LCORL: variants seen among roughly 807,000 people sequenced by gnomAD.
LCORL encodes ligand-dependent nuclear receptor corepressor-like protein.
A neutral mutation model predicts 141.8 loss-of-function variants in LCORL; 41 were observed. The observed-to-expected ratio is 0.29, with a 90% CI of 0.23 to 0.38. The LOEUF (loss-of-function observed/expected upper bound fraction) is 0.38. LCORL is among the 10% of genes least tolerant of loss of function. The probability of loss-of-function intolerance (pLI) is 1.00; values close to 1 mark genes in which losing one functional copy is unlikely to be tolerated. For missense variants in LCORL, 1,759 were observed against 2,035.0 expected, an observed-to-expected ratio of 0.86 and a Z score of 2.61; for synonymous variants, 618 against 694.1, an observed-to-expected ratio of 0.89 and a Z score of 1.72.
At chr4:17,918,868 A>G (rs925198630) in intron 4 of LCORL, among the ~76,000 whole-genome samples, 4 of 152,224 alleles carry the variant, frequency 2.6e-5, no homozygotes, top group South Asian at 2.1e-4. Context: ...ACAAATGCCA[A>G]GCAGAATAAA....
chr4:17,906,832 ATG>A (rs1731728775), intron 5 of LCORL, among the ~76,000 whole-genome samples: 1 of 151,970 alleles, frequency 6.6e-6, no homozygotes, highest in African/African-American at 2.4e-5. Flanking sequence ...GACTACAGGC[ATG>A]TGCCACCACG....
At chr4:17,842,374 T>G in exon 8 of LCORL, 1 of 1,611,684 alleles carries the variant, frequency 6.2e-7, no homozygotes, top group Non-Finnish European at 8.5e-7. Flanking sequence ...AAGCCGACTC[T>G]GAAAGGTATG....
chr4:17,917,808 T>C (rs750370998), intron 4 of LCORL, among the ~76,000 whole-genome samples: 4 of 152,188 alleles, frequency 2.6e-5, no homozygotes, highest in Non-Finnish European at 4.4e-5. Flanking sequence ...CAAAAGCTTA[T>C]AGCCATCAAG....
chr4:17,877,568 G>C (rs554940528), exon 7 of LCORL: 24 of 1,230,604 alleles, frequency 2.0e-5, no homozygotes, highest in Non-Finnish European at 4.1e-6. Context: ...ATGGAGGCTG[G>C]TTAATGTTTG....
At chr4:17,915,019 T>C (rs1733173591) in intron 4 of LCORL, among the ~76,000 whole-genome samples, 1 of 152,208 alleles carries the variant, frequency 6.6e-6, no homozygotes, top group African/African-American at 2.4e-5. Flanking sequence ...GTTTTCATAC[T>C]GGACACTGAT....
At position 17,989,056 on chromosome 4, in the gene LCORL, T is replaced by G. The variant is rs181777305; in HGVS notation, c.155-16171A>C. On this transcript the variant is annotated intron_variant, in intron 1 of 7. Coordinates refer to ENST00000635767, the Ensembl canonical transcript of LCORL. ...TTTCCATGGATGTGGCCAATTTATATCCAAAACACTTGCTAAACTATCCAC... is the reference window on the plus strand; with the variant it reads ...TTTCCATGGATGTGGCCAATTTATAGCCAAAACACTTGCTAAACTATCCAC... Among the ~76,000 whole-genome samples the G allele has an allele frequency of 3.6e-4, 55 of 152,318 alleles. No homozygotes were observed. In the East Asian group the frequency reaches 9.4e-3, roughly 26 times the overall value.
At chr4:17,985,802 T>C (rs1438898593) in intron 1 of LCORL, among the ~76,000 whole-genome samples, 1 of 152,162 alleles carries the variant, frequency 6.6e-6, no homozygotes, top group Non-Finnish European at 1.5e-5. Flanking sequence ...GACCCTGTTA[T>C]TGTGTTGTCA....
chr4:17,914,499 T>C lies in LCORL; in HGVS notation c.431-5154A>G, dbSNP rs1733077746. Among the ~76,000 whole-genome samples the C allele has an allele frequency of 2.0e-5, 3 of 152,236 alleles. No individual in the cohort carries two copies. In the South Asian group the frequency reaches 6.2e-4, roughly 32 times the overall value. The stretch of plus-strand genomic sequence containing the variant: ...ACTCACTTTTTGTCCCTTTATACTA[T>C]ATTGTGGAATAAGTCCATGTTTGAG... On this transcript the variant is annotated intron_variant, in intron 4 of 7. Transcript: ENST00000635767.
At chr4:17,861,230 C>G (rs189903239) in intron 7 of LCORL, among the ~76,000 whole-genome samples, 70 of 152,374 alleles carry the variant, frequency 4.6e-4, no homozygotes, top group Non-Finnish European at 9.1e-4. Flanking sequence ...TTTGCCTGGG[C>G]ATCCAGGCGT....
intron 1 of LCORL, among the ~76,000 whole-genome samples, chr4:17,998,074 A>G (rs1323750131): frequency 6.6e-6 from 1 of 152,182 alleles, no homozygotes; most frequent in East Asian, 1.9e-4. Context: ...ACTGTACTGA[A>G]TACTGTAGGC....
At chr4:17,964,354 A>G (rs950012868) in intron 2 of LCORL, among the ~76,000 whole-genome samples, 2 of 152,114 alleles carry the variant, frequency 1.3e-5, no homozygotes, top group African/African-American at 4.8e-5. Flanking sequence ...CATCTAACTT[A>G]TTTATGGATT....
chr4:17,989,977 G>C (rs1719669863), intron 1 of LCORL, among the ~76,000 whole-genome samples: 1 of 151,962 alleles, frequency 6.6e-6, no homozygotes, highest in African/African-American at 2.4e-5. Flanking sequence ...CTGGCTCCTA[G>C]AGGCCACATT....
chr4:17,853,022 C>T (rs1049943291), intron 7 of LCORL, among the ~76,000 whole-genome samples: 2 of 149,298 alleles, frequency 1.3e-5, no homozygotes. Flanking sequence ...ACAGTAGCTA[C>T]GTACCAGGCA....
intron 1 of LCORL, among the ~76,000 whole-genome samples, chr4:18,012,667 T>A (rs544020258): frequency 6.6e-6 from 1 of 151,646 alleles, no homozygotes; most frequent in East Asian, 1.9e-4. Context: ...ATTAGGAAAC[T>A]TTTTTGAAGG....
chr4:17,936,844 C>T (rs1736949963), intron 4 of LCORL, among the ~76,000 whole-genome samples: 1 of 152,090 alleles, frequency 6.6e-6, no homozygotes, highest in Admixed American at 6.5e-5. Flanking sequence ...TTCAGTTTCC[C>T]CCAACTCCAA....
chr4:17,939,768 A>T (rs1305036469), intron 4 of LCORL, among the ~76,000 whole-genome samples: 1 of 151,950 alleles, frequency 6.6e-6, no homozygotes, highest in African/African-American at 2.4e-5. Flanking sequence ...GTGTCTAGAA[A>T]AGAATAATGA....
At chr4:17,961,848 C>A (rs1301387955) in intron 4 of LCORL, 55 bp downstream of exon 4, 8 of 1,511,426 alleles carry the variant, frequency 5.3e-6, no homozygotes, top group East Asian at 2.3e-5. Context: ...TAAAAAAATT[C>A]CAACATTTTA....
At chr4:17,956,303 C>T (rs532988344) in intron 4 of LCORL, among the ~76,000 whole-genome samples, 1 of 152,244 alleles carries the variant, frequency 6.6e-6, no homozygotes, top group Non-Finnish European at 1.5e-5. Flanking sequence ...AACCCCACTA[C>T]TGGGTATCTA....
At chr4:18,005,471 G>C (rs867791884) in intron 1 of LCORL, among the ~76,000 whole-genome samples, 1 of 152,136 alleles carries the variant, frequency 6.6e-6, no homozygotes, top group African/African-American at 2.4e-5. Flanking sequence ...AGCACCACTA[G>C]GCAGTGTCCC....
Sources: allele counts gnomAD v4.1 joint callset (sites outside exome capture counted in the v4.1 genomes callset), GRCh38; gene constraint gnomAD v4.1.1; transcripts MANE v1.5; gene names NCBI Gene and HGNC (gene_info 2026-07-23, HGNC 2026-07-21).